The following SLC39A11 variants were observed in gnomAD, a reference collection of about 807,000 sequenced individuals.
SLC39A11 encodes the protein zinc transporter ZIP11.
SLC39A11 carries 33 observed loss-of-function variants against 36.1 expected under a neutral mutation model. That is an observed-to-expected ratio of 0.91 (90% CI 0.69 to 1.22). The LOEUF (loss-of-function observed/expected upper bound fraction) is 1.22. Among genes scored for constraint, SLC39A11 ranks in the 50% most tolerant of loss-of-function variants. SLC39A11 has a pLI of 0.00. For missense variants in SLC39A11, 432 were observed against 430.3 expected (o/e 1.00, Z -0.03); for synonymous variants, 166 against 170.3 (o/e 0.97, Z 0.20).
intron 5 of SLC39A11, among the ~76,000 whole-genome samples, chr17:72,934,462 T>C (rs2084620510): frequency 6.6e-6 from 1 of 152,090 alleles, no homozygotes. Context: ...GGTCAGGAGT[T>C]CAAGACCAGC....
intron 5 of SLC39A11, among the ~76,000 whole-genome samples, chr17:72,945,981 C>T (rs1191044006): frequency 2.0e-5 from 3 of 152,180 alleles, no homozygotes; most frequent in African/African-American, 7.2e-5. Context: ...AACTTTTATA[C>T]CCTAGAGAAG....
intron 7 of SLC39A11, among the ~76,000 whole-genome samples, chr17:72,690,602 T>G (rs538044328): frequency 1.3e-5 from 2 of 152,312 alleles, no homozygotes; most frequent in African/African-American, 4.8e-5. Flanking sequence ...GAGATGGACA[T>G]GTAAGAGAGT....
chr17:72,671,134 T>C (rs920508564), intron 7 of SLC39A11, among the ~76,000 whole-genome samples: 7 of 152,198 alleles, frequency 4.6e-5, no homozygotes, highest in Non-Finnish European at 8.8e-5. Context: ...TCTTTAGGAC[T>C]GCAGTAATTC....
At chr17:72,837,081 C>T (rs1215327961) in intron 6 of SLC39A11, among the ~76,000 whole-genome samples, 1 of 152,146 alleles carries the variant, frequency 6.6e-6, no homozygotes, top group African/African-American at 2.4e-5. Flanking sequence ...TCCAAAGCCA[C>T]CCTTTGCAGC....
chr17:72,825,590 G>A (rs2077991411), intron 6 of SLC39A11, among the ~76,000 whole-genome samples: 1 of 152,180 alleles, frequency 6.6e-6, no homozygotes, highest in Non-Finnish European at 1.5e-5. Flanking sequence ...GTTCCACCAT[G>A]TGCCTGGAAA....
intron 5 of SLC39A11, among the ~76,000 whole-genome samples, chr17:72,920,204 C>A (rs149162688): frequency 2.6e-5 from 4 of 152,174 alleles, no homozygotes; most frequent in African/African-American, 9.6e-5. Flanking sequence ...CTGCTGCAAT[C>A]TATCCCAACA....
At chr17:73,048,372 C>A (rs1000489333) in intron 3 of SLC39A11, among the ~76,000 whole-genome samples, 4 of 152,158 alleles carry the variant, frequency 2.6e-5, no homozygotes, top group South Asian at 2.1e-4. Flanking sequence ...TGATCCCATT[C>A]TTTTTTATGA....
chr17:72,822,863 C>T (rs1209682660), intron 6 of SLC39A11, among the ~76,000 whole-genome samples: 2 of 150,908 alleles, frequency 1.3e-5, no homozygotes, highest in African/African-American at 2.4e-5. Flanking sequence ...CACAGGCACA[C>T]ACCACCATAC....
intron 4 of SLC39A11, among the ~76,000 whole-genome samples, chr17:72,975,816 G>C (rs1434433672): frequency 2.6e-5 from 4 of 152,316 alleles, no homozygotes; most frequent in African/African-American, 9.6e-5. Flanking sequence ...TAAGGCTACA[G>C]CAGGTATGGT....
At chr17:72,824,213 T>G (rs1376324680) in intron 6 of SLC39A11, among the ~76,000 whole-genome samples, 1 of 151,004 alleles carries the variant, frequency 6.6e-6, no homozygotes, top group Non-Finnish European at 1.5e-5. Context: ...GAATATGTTC[T>G]CATGAAATCT....
At chr17:72,966,090 G>A (rs2086951984) in intron 4 of SLC39A11, among the ~76,000 whole-genome samples, 1 of 152,202 alleles carries the variant, frequency 6.6e-6, no homozygotes, top group African/African-American at 2.4e-5. Context: ...TCATTCTGCT[G>A]AACCAGGGTG....
intron 4 of SLC39A11, among the ~76,000 whole-genome samples, chr17:72,988,451 A>C (rs575662886): frequency 7.9e-5 from 12 of 152,320 alleles, no homozygotes. Context: ...ACAGAGCGAG[A>C]ACTTGTCTCA....
intron 7 of SLC39A11, among the ~76,000 whole-genome samples, chr17:72,660,131 T>C (rs898547608): frequency 1.3e-5 from 2 of 152,186 alleles, no homozygotes; most frequent in African/African-American, 4.8e-5. Flanking sequence ...TCTCAGGCCT[T>C]GAGCTTGGGA....
At chr17:73,018,991 T>C (rs757838050) in intron 4 of SLC39A11, among the ~76,000 whole-genome samples, 1 of 152,162 alleles carries the variant, frequency 6.6e-6, no homozygotes, top group Non-Finnish European at 1.5e-5. Flanking sequence ...TGACTTCTCA[T>C]CAGAAACAAC....
At chr17:72,721,543 CACA>C (rs748622334) in intron 7 of SLC39A11, among the ~76,000 whole-genome samples, 80 of 152,170 alleles carry the variant, frequency 5.3e-4, no homozygotes, top group Non-Finnish European at 1.0e-3. Flanking sequence ...GGACTGGGCA[CACA>C]ACAAGCACTC....
intron 4 of SLC39A11, among the ~76,000 whole-genome samples, chr17:72,949,997 C>A (rs1007482529): frequency 7.2e-6 from 1 of 138,198 alleles, no homozygotes; most frequent in Non-Finnish European, 1.6e-5. Context: ...ACACACACAC[C>A]CCTTCTTGTT....
intron 5 of SLC39A11, among the ~76,000 whole-genome samples, chr17:72,901,994 G>A (rs908666448): frequency 3.3e-5 from 5 of 152,158 alleles, no homozygotes; most frequent in Non-Finnish European, 5.9e-5. Flanking sequence ...AGGAGAGGCC[G>A]GGCACAGTGG....
chr17:72,763,914 C>T (rs1435746842), intron 6 of SLC39A11, among the ~76,000 whole-genome samples: 2 of 152,190 alleles, frequency 1.3e-5, no homozygotes, highest in East Asian at 3.9e-4. Context: ...CCCAGCTCAC[C>T]TGCTTATATC....
chr17:72,763,486 C>T (rs564133180), intron 6 of SLC39A11, among the ~76,000 whole-genome samples: 10 of 152,290 alleles, frequency 6.6e-5, no homozygotes, highest in South Asian at 6.2e-4. Flanking sequence ...TATTTGACAA[C>T]GGAACCCTTT....
Sources: allele counts gnomAD v4.1 joint callset (sites outside exome capture counted in the v4.1 genomes callset), GRCh38; gene constraint gnomAD v4.1.1; transcripts MANE v1.5; gene names NCBI Gene and HGNC (gene_info 2026-07-23, HGNC 2026-07-21).